SLC9A9: variants seen among roughly 807,000 people sequenced by gnomAD.
The protein encoded by SLC9A9 is sodium/hydrogen exchanger 9.
In SLC9A9, 62 loss-of-function variants were observed where a neutral mutation model predicts 77.8. The observed-to-expected ratio is 0.80, with a 90% CI of 0.65 to 0.98. The LOEUF (loss-of-function observed/expected upper bound fraction) is 0.98. Ranked by LOEUF, SLC9A9 falls within the 50% of genes least tolerant of loss-of-function variation. The pLI is 0.00. For synonymous variants in SLC9A9, 320 were observed against 283.5 expected, an observed-to-expected ratio of 1.13 and a Z score of -1.29; for missense variants, 775 against 774.9, an observed-to-expected ratio of 1.00 and a Z score of 0.00.
At chr3:143,794,543 A>G (rs916956102) in intron 4 of SLC9A9, among the ~76,000 whole-genome samples, 11 of 152,126 alleles carry the variant, frequency 7.2e-5, no homozygotes, top group African/African-American at 2.7e-4. Flanking sequence ...GTATTAAGCA[A>G]CTCTGTTGAT....
At chr3:143,708,157 T>C (rs368850698) in intron 4 of SLC9A9, among the ~76,000 whole-genome samples, 236 of 152,272 alleles carry the variant, frequency 1.5e-3, no homozygotes, top group African/African-American at 5.5e-3. Context: ...TACTCAAAGA[T>C]GAACTAAATA....
intron 4 of SLC9A9, among the ~76,000 whole-genome samples, chr3:143,703,596 G>A (rs1395290317): frequency 2.0e-5 from 3 of 151,916 alleles, no homozygotes; most frequent in Non-Finnish European, 2.9e-5. Flanking sequence ...ATAGCTAAAA[G>A]TGCCTATATC....
At chr3:143,511,143 A>G (rs965676111) in intron 9 of SLC9A9, among the ~76,000 whole-genome samples, 4 of 152,202 alleles carry the variant, frequency 2.6e-5, no homozygotes, top group African/African-American at 4.8e-5. Flanking sequence ...AGACACCACA[A>G]TGGATGCCTT....
intron 9 of SLC9A9, among the ~76,000 whole-genome samples, chr3:143,496,115 C>G (rs2035830071): frequency 6.6e-6 from 1 of 152,100 alleles, no homozygotes; most frequent in African/African-American, 2.4e-5. Context: ...GTTTATGCAG[C>G]AAGAACACAA....
chr3:143,581,801 C>T (rs1228427350), intron 6 of SLC9A9, among the ~76,000 whole-genome samples: 1 of 152,094 alleles, frequency 6.6e-6, no homozygotes, highest in African/African-American at 2.4e-5. Flanking sequence ...TTCCTGTATA[C>T]AAGCATAAGA....
intron 2 of SLC9A9, among the ~76,000 whole-genome samples, chr3:143,821,188 A>C (rs1384954007): frequency 6.6e-6 from 1 of 152,208 alleles, no homozygotes; most frequent in African/African-American, 2.4e-5. Context: ...GGTACAATAA[A>C]AAGCAACACC....
chr3:143,321,659 A>T (rs531062449), intron 14 of SLC9A9, among the ~76,000 whole-genome samples: 1 of 152,336 alleles, frequency 6.6e-6, no homozygotes, highest in African/African-American at 2.4e-5. Flanking sequence ...TTATATTATC[A>T]GTAAGGTCCA....
At chr3:143,632,415 G>A (rs145229520) in intron 6 of SLC9A9, among the ~76,000 whole-genome samples, 103 of 152,156 alleles carry the variant, frequency 6.8e-4, no homozygotes, top group African/African-American at 2.5e-3. Context: ...ATTATGTTTG[G>A]CCATCACATG....
intron 6 of SLC9A9, among the ~76,000 whole-genome samples, chr3:143,625,462 A>T (rs536577194): frequency 3.3e-5 from 5 of 152,236 alleles, no homozygotes; most frequent in Non-Finnish European, 5.9e-5. Flanking sequence ...ATAATGCCAC[A>T]TATCTATAAC....
At chr3:143,794,650 G>A (rs2008323188) in intron 4 of SLC9A9, among the ~76,000 whole-genome samples, 1 of 152,116 alleles carries the variant, frequency 6.6e-6, no homozygotes, top group Non-Finnish European at 1.5e-5. Context: ...GCCAAATACA[G>A]GTAAGGTCTC....
chr3:143,698,038 C>T (rs1933691741), intron 4 of SLC9A9: 1 of 152,256 alleles, frequency 6.6e-6, no homozygotes, highest in East Asian at 1.9e-4. Context: ...AACTGGGAGG[C>T]TAAAAAATGA....
intron 12 of SLC9A9, among the ~76,000 whole-genome samples, chr3:143,454,756 T>G (rs1448057695): frequency 6.6e-6 from 1 of 152,190 alleles, no homozygotes; most frequent in Admixed American, 6.6e-5. Context: ...ATTCTTCTTG[T>G]GGGCAGAATT....
At chr3:143,633,508 T>G (rs2038462491) in intron 6 of SLC9A9, among the ~76,000 whole-genome samples, 1 of 152,200 alleles carries the variant, frequency 6.6e-6, no homozygotes, top group African/African-American at 2.4e-5. Context: ...CCATTGTTTG[T>G]ATGTAGCACA....
At chr3:143,414,590 A>G (rs969417356) in intron 12 of SLC9A9, among the ~76,000 whole-genome samples, 1 of 152,166 alleles carries the variant, frequency 6.6e-6, no homozygotes, top group Non-Finnish European at 1.5e-5. Context: ...ACTGTTTTGT[A>G]ATTGTTCTGG....
intron 8 of SLC9A9, among the ~76,000 whole-genome samples, chr3:143,553,175 A>G (rs2036921922): frequency 1.3e-5 from 2 of 152,214 alleles, no homozygotes; most frequent in African/African-American, 4.8e-5. Flanking sequence ...TAAACCACAT[A>G]TCAGCTTTAA....
chr3:143,670,553 C>T (rs938670043), intron 5 of SLC9A9, among the ~76,000 whole-genome samples: 4 of 152,174 alleles, frequency 2.6e-5, no homozygotes, highest in East Asian at 1.9e-4. Context: ...CTGCAGGTGA[C>T]GTCGTCTGTG....
At chr3:143,521,273 T>C (rs981254699) in intron 9 of SLC9A9, among the ~76,000 whole-genome samples, 1 of 152,104 alleles carries the variant, frequency 6.6e-6, no homozygotes, top group Non-Finnish European at 1.5e-5. Flanking sequence ...TGAGTCAAGA[T>C]AGCAGCTACC....
intron 4 of SLC9A9, among the ~76,000 whole-genome samples, chr3:143,781,904 A>C (rs1382156705): frequency 6.6e-6 from 1 of 152,224 alleles, no homozygotes; most frequent in African/African-American, 2.4e-5. Context: ...GCTGTAGTTA[A>C]GATTGACTTC....
chr3:143,372,795 A>G (rs1463975798), intron 13 of SLC9A9, among the ~76,000 whole-genome samples: 1 of 152,204 alleles, frequency 6.6e-6, no homozygotes, highest in Non-Finnish European at 1.5e-5. Context: ...AGGTGGACAA[A>G]TGACATGAAT....
Sources: gnomAD v4.1 joint callset for allele counts (sites outside exome capture counted in the v4.1 genomes callset) on GRCh38, gnomAD v4.1.1 for gene constraint, MANE v1.5 for transcripts, NCBI Gene and HGNC (gene_info 2026-07-23, HGNC 2026-07-21) for gene names.